SLC6A16: variants seen among roughly 807,000 people sequenced by gnomAD.
The protein encoded by SLC6A16 is solute carrier family 6 member 16.
SLC6A16 carries 54 observed loss-of-function variants against 65.4 expected under a neutral mutation model. That is an observed-to-expected ratio of 0.83 (90% confidence interval 0.66 to 1.04). The LOEUF is 1.04. Among genes scored for constraint, SLC6A16 ranks in the 50% least tolerant of loss-of-function variants. The pLI is 0.00. For synonymous variants in SLC6A16, 330 were observed against 346.5 expected, an observed-to-expected ratio of 0.95 and a Z score of 0.53; for missense variants, 816 against 914.0, an observed-to-expected ratio of 0.89 and a Z score of 1.38.
At chr19:49,298,260 G>A (rs1237402338) in intron 7 of SLC6A16, among the ~76,000 whole-genome samples, 1 of 152,158 alleles carries the variant, frequency 6.6e-6, no homozygotes, top group East Asian at 1.9e-4. Context: ...TGACAGATAA[G>A]TGGGATCCAA....
upstream of SLC6A16, among the ~76,000 whole-genome samples, chr19:49,326,298 T>A (rs1970796718): frequency 6.6e-6 from 1 of 152,134 alleles, no homozygotes; most frequent in Non-Finnish European, 1.5e-5. Flanking sequence ...CTGCACTGAG[T>A]GTGTCAAAAT....
chr19:49,324,867 G>C (rs1970773433), intron 1 of SLC6A16, among the ~76,000 whole-genome samples, 181 bp downstream of exon 1: 1 of 152,190 alleles, frequency 6.6e-6, no homozygotes, highest in African/African-American at 2.4e-5. Context: ...TACGTGGGGG[G>C]TAAAGGAGGG....
rs1225417904 is a variant in SLC6A16 at position 49,292,793 on chromosome 19, CAT to C, written c.1778+428_1778+429del. Among the ~76,000 whole-genome samples the C allele has an allele frequency of 1.3e-5, 2 of 152,214 alleles. No homozygotes were observed. The highest frequency in any genetic ancestry group is 2.9e-5 in the Non-Finnish European group (2 of 68,040). ...CTCCTATCATTCAGGAGTCTGCTCA[CAT>C]GTCACCTTATCGGAAGGGCCCTCCC... is the stretch of plus-strand genomic sequence containing the variant. On this transcript the variant is annotated intron_variant, in intron 10 of 11. Transcript: ENST00000335875. The surrounding 1 kb of genome is among the most constrained non-coding windows in gnomAD (Gnocchi z 4.3).
chr19:49,313,935 A>T (rs528833428), intron 1 of SLC6A16, among the ~76,000 whole-genome samples: 5 of 152,178 alleles, frequency 3.3e-5, no homozygotes, highest in Admixed American at 2.6e-4. Flanking sequence ...TCTCTACTAA[A>T]AGTACAAAAA....
intron 7 of SLC6A16, among the ~76,000 whole-genome samples, chr19:49,306,547 C>CTTTT (rs1174068777): frequency 1.7e-5 from 2 of 114,898 alleles, no homozygotes; most frequent in Non-Finnish European, 3.8e-5. Flanking sequence ...TTTTTTTTTT[C>CTTTT]TTTTTTTTTT....
chr19:49,337,974 G>T, the SLC6A16 span: 1 of 1,614,072 alleles, frequency 6.2e-7, no homozygotes, highest in Non-Finnish European at 8.5e-7. Flanking sequence ...CAAAAGTACG[G>T]CACCAACCCC....
chr19:49,335,939 C>A, the SLC6A16 span: 1 of 673,806 alleles, frequency 1.5e-6, no homozygotes, highest in East Asian at 2.5e-5. The surrounding 1 kb of genome is among the most constrained non-coding windows in gnomAD (Gnocchi z 4.6). Context: ...GAGCCTGAGT[C>A]TTCTTCCGGC....
chr19:49,336,900 C>T, the SLC6A16 span: 1 of 1,613,774 alleles, frequency 6.2e-7, no homozygotes, highest in Non-Finnish European at 8.5e-7. Flanking sequence ...CTCCCCTCAC[C>T]TCTCCCAGGC....
At chr19:49,339,781 G>A in the SLC6A16 span, 2 of 1,365,164 alleles carry the variant, frequency 1.5e-6, no homozygotes, top group Non-Finnish European at 1.9e-6. The surrounding 1 kb of genome is among the most constrained non-coding windows in gnomAD (Gnocchi z 4.5). Flanking sequence ...CGGCGGCGGC[G>A]GGCACAGCGG....
chr19:49,324,722 C>T (rs1167134727), intron 1 of SLC6A16, among the ~76,000 whole-genome samples: 1 of 152,226 alleles, frequency 6.6e-6, no homozygotes, highest in East Asian at 1.9e-4. Flanking sequence ...GGGCTAGACC[C>T]GGGTTTCTGC....
chr19:49,310,285 T>C, intron 3 of SLC6A16, 68 bp downstream of exon 3: 1 of 1,604,860 alleles, frequency 6.2e-7, no homozygotes, highest in Non-Finnish European at 8.5e-7. Context: ...ACAGGGCGCA[T>C]TTCAGGAGGA....
chr19:49,323,291 T>C (rs542505362), intron 1 of SLC6A16, among the ~76,000 whole-genome samples: 1 of 152,284 alleles, frequency 6.6e-6, no homozygotes, highest in Non-Finnish European at 1.5e-5. Flanking sequence ...AAAAGCTTCA[T>C]GATAGTGGAT....
Position 49,311,014 on chromosome 19 carries a change from A to G in SLC6A16, c.334T>C (p.Tyr112His), listed in dbSNP as rs1568535687. 1 of 1,614,070 alleles carries G rather than the reference A, an allele frequency of 6.2e-7. No homozygotes were observed. The highest frequency in any genetic ancestry group is 8.5e-7 in the Non-Finnish European group (1 of 1,179,992). The change falls in exon 2 of 12, where the codon TAT (tyrosine) becomes CAT (histidine). Residue 112 changes from tyrosine to histidine, a missense_variant. Transcript: ENST00000335875. ...ARPFWSSKTE[Y>H]ILAQVGFSMK... The stretch of plus-strand genomic sequence containing the variant: ...GAGAAGCCCACCTGAGCCAGAATAT[A>G]CTCAGTTTTGCTGGACCAGAACGGA...
At chr19:49,329,293 T>C (rs540881325), upstream of SLC6A16, among the ~76,000 whole-genome samples, 1 of 152,040 alleles carries the variant, frequency 6.6e-6, no homozygotes, top group Non-Finnish European at 1.5e-5. Context: ...TTCACTATGT[T>C]GGTCAGGCTG....
In SLC6A16 at chr19:49,311,236, A is replaced by G. The variant is rs1352523707; in HGVS notation, c.112T>C (p.Leu38=). ...GTCCAAGATGTTGCAGACCGGGTCA[A>G]TGAACCCTTGTCTTCCCACGTTTGA... ...GSQTWEDKGS[L]TRSATSWTSE... is the part of the protein sequence containing the mutation. The change falls in exon 2 of 12, where the codon TTG becomes CTG. Residue 38 remains leucine, a synonymous_variant. Coordinates refer to ENST00000335875, the MANE Select transcript of SLC6A16 (RefSeq NM_014037.3). 3 of 1,614,100 alleles carry G rather than the reference A, an allele frequency of 1.9e-6. No homozygotes were observed. Among genetic ancestry groups the G allele is most frequent in the Non-Finnish European group, 1.7e-6 (2 of 1,180,010 alleles).
At position 49,325,079 on chromosome 19, in the gene SLC6A16, G is replaced by C; in HGVS notation, c.-96C>G. On this transcript the variant is annotated 5_prime_UTR_variant, in exon 1 of 12. Transcript: ENST00000335875. Reference sequence around the variant, plus strand: ...CCCAAGGCTTCTGCCAGGTTCTTCAGTCCAGCCAGTCGGACAAAAATGAGG... The same window carrying C: ...CCCAAGGCTTCTGCCAGGTTCTTCACTCCAGCCAGTCGGACAAAAATGAGG... 9 of 985,632 alleles carry C rather than the reference G, an allele frequency of 9.1e-6. No individual in the cohort carries two copies. The highest frequency in any genetic ancestry group is 1.7e-5 in the African/African-American group (1 of 57,366). 61.1% of individuals were successfully genotyped at this position (985,632 alleles called of 1,614,324 possible). A position where few individuals can be genotyped will look rare whatever the true frequency, so the allele number is the denominator to read the frequency against.
the SLC6A16 span, chr19:49,337,205 C>G: frequency 1.9e-6 from 3 of 1,614,166 alleles, no homozygotes; most frequent in Non-Finnish European, 2.5e-6. Flanking sequence ...ATCCTCATCT[C>G]CACTCAGCGG....
the SLC6A16 span, chr19:49,340,143 C>T: frequency 5.2e-6 from 7 of 1,348,038 alleles, no homozygotes; most frequent in Non-Finnish European, 3.0e-6. Flanking sequence ...CCAGCCCCTT[C>T]CCGCCCAATT....
intron 7 of SLC6A16, among the ~76,000 whole-genome samples, chr19:49,304,794 T>TA (rs1970351866): frequency 6.6e-6 from 1 of 152,186 alleles, no homozygotes; most frequent in African/African-American, 2.4e-5. Context: ...TAGAAAAAGA[T>TA]AGATCATCCA....
Sources: gnomAD v4.1 joint callset for allele counts (sites outside exome capture counted in the v4.1 genomes callset) on GRCh38, gnomAD v4.1.1 for gene constraint, Gnocchi (gnomAD v3.1) non-coding constraint, MANE v1.5 for transcripts, NCBI Gene and HGNC (gene_info 2026-07-23, HGNC 2026-07-21) for gene names.